LDB2: variants seen among roughly 807,000 people sequenced by gnomAD.
The protein encoded by LDB2 is LIM domain-binding protein 2.
A neutral mutation model predicts 44.3 loss-of-function variants in LDB2; 12 were observed. The ratio of observed to expected loss-of-function variants is 0.27; its 90% CI spans 0.17 to 0.44. LDB2 has a LOEUF of 0.44. LDB2 is among the 20% of genes least tolerant of loss of function. LDB2 has a pLI of 1.00. For missense variants in LDB2, 344 were observed against 473.5 expected, an observed-to-expected ratio of 0.73 and a Z score of 2.54; for synonymous variants, 164 against 174.8, an observed-to-expected ratio of 0.94 and a Z score of 0.49.
intron 2 of LDB2, among the ~76,000 whole-genome samples, chr4:16,613,956 G>A (rs751855641): frequency 6.6e-6 from 1 of 152,142 alleles, no homozygotes; most frequent in Non-Finnish European, 1.5e-5. Context: ...ACCTTGTATA[G>A]CCAAGACAAT....
At chr4:16,672,266 G>T (rs900526124) in intron 2 of LDB2, among the ~76,000 whole-genome samples, 1 of 152,188 alleles carries the variant, frequency 6.6e-6, no homozygotes, top group African/African-American at 2.4e-5. Flanking sequence ...AGCCAATTCA[G>T]CTTGGATTCA....
chr4:16,534,589 T>G (rs2152310261), intron 5 of LDB2, among the ~76,000 whole-genome samples: 1 of 152,346 alleles, frequency 6.6e-6, no homozygotes, highest in East Asian at 1.9e-4. Flanking sequence ...GGGCTTCTGC[T>G]TTTTCCGTAT....
In LDB2 at chr4:16,821,746, C is replaced by CAAAAAAAAAAAAAAAAAAAAAAAAAAAAA. The variant is rs562184189; in HGVS notation, c.133-62487_133-62486insTTTTTTTTTTTTTTTTTTTTTTTTTTTTT. 1.8e-4 allele frequency among the ~76,000 whole-genome samples: 11 copies of CAAAAAAAAAAAAAAAAAAAAAAAAAAAAA among 61,736 alleles called. 1 individual carries two copies. The highest frequency in any genetic ancestry group is 2.7e-4 in the Admixed American group (1 of 3,754). 40.5% of individuals were successfully genotyped at this position (61,736 alleles called of 152,430 possible). A position where few individuals can be genotyped will look rare whatever the true frequency, so the allele number is the denominator to read the frequency against. ...AATGGAAACCATTCCAACATTAAAG[C>CAAAAAAAAAAAAAAAAAAAAAAAAAAAAA]AAAAAAAAAAAAAAAAAAAAAAAAT... On this transcript the variant is annotated intron_variant, in intron 1 of 7. Coordinates refer to ENST00000304523, the MANE Select transcript of LDB2 (RefSeq NM_001290.5).
chr4:16,674,640 C>T (rs1222555417), intron 2 of LDB2, among the ~76,000 whole-genome samples: 3 of 152,216 alleles, frequency 2.0e-5, no homozygotes, highest in Non-Finnish European at 4.4e-5. Flanking sequence ...GATTCAAACA[C>T]TGGTCCGTCT....
chr4:16,694,060 C>T (rs565226574), intron 2 of LDB2, among the ~76,000 whole-genome samples: 1 of 152,296 alleles, frequency 6.6e-6, no homozygotes, highest in Admixed American at 6.5e-5. Flanking sequence ...GGGGCTGCAA[C>T]GGACCCCTTC....
intron 5 of LDB2, among the ~76,000 whole-genome samples, chr4:16,547,409 G>A (rs1365063977): frequency 2.0e-5 from 3 of 152,186 alleles, no homozygotes; most frequent in Non-Finnish European, 4.4e-5. Flanking sequence ...TACAGTGGCT[G>A]TAGGAAATGG....
chr4:16,670,835 G>T (rs1217992108), intron 2 of LDB2, among the ~76,000 whole-genome samples: 1 of 152,190 alleles, frequency 6.6e-6, no homozygotes, highest in Non-Finnish European at 1.5e-5. Flanking sequence ...TAAGGGGTAT[G>T]TGAATTAGCT....
chr4:16,687,884 G>C (rs1749652724), intron 2 of LDB2, among the ~76,000 whole-genome samples: 1 of 152,080 alleles, frequency 6.6e-6, no homozygotes, highest in African/African-American at 2.4e-5. Flanking sequence ...CAAAAATATG[G>C]GGGCAAAACT....
intron 2 of LDB2, among the ~76,000 whole-genome samples, chr4:16,706,181 G>A (rs1028952469): frequency 6.6e-6 from 1 of 152,124 alleles, no homozygotes; most frequent in African/African-American, 2.4e-5. Flanking sequence ...TTGAGATATG[G>A]TGCAATGGAT....
chr4:16,676,683 G>A (rs76615446), intron 2 of LDB2, among the ~76,000 whole-genome samples: 3 of 152,342 alleles, frequency 2.0e-5, no homozygotes, highest in Admixed American at 2.0e-4. Flanking sequence ...GAGAACTCAG[G>A]AATGAGACAC....
At chr4:16,541,029 T>C (rs991692197) in intron 5 of LDB2, among the ~76,000 whole-genome samples, 2 of 152,222 alleles carry the variant, frequency 1.3e-5, no homozygotes, top group African/African-American at 4.8e-5. Context: ...CTGTTAAACT[T>C]TAACATTGTG....
At chr4:16,581,465 G>A (rs894509860) in intron 5 of LDB2, 7 of 984,692 alleles carry the variant, frequency 7.1e-6, no homozygotes, top group Non-Finnish European at 8.4e-6. Context: ...CTCAGCCAGG[G>A]TGTATTGTTT....
At chr4:16,822,101 C>T (rs919693630) in intron 1 of LDB2, among the ~76,000 whole-genome samples, 36 of 135,198 alleles carry the variant, frequency 2.7e-4, no homozygotes, top group Non-Finnish European at 3.9e-4. Flanking sequence ...AGAAGGCTTA[C>T]TAGGATTGTT....
chr4:16,728,788 G>A (rs1760095433), intron 2 of LDB2, among the ~76,000 whole-genome samples: 1 of 152,186 alleles, frequency 6.6e-6, no homozygotes, highest in Non-Finnish European at 1.5e-5. Flanking sequence ...CAAAGGACTT[G>A]TGTGAGATGA....
At chr4:16,842,996 A>G (rs1052347393) in intron 1 of LDB2, among the ~76,000 whole-genome samples, 2 of 152,170 alleles carry the variant, frequency 1.3e-5, no homozygotes, top group Non-Finnish European at 2.9e-5. Flanking sequence ...TATTGCAAAG[A>G]GCAATATTGC....
chr4:16,764,594 C>G (rs1768779320), intron 1 of LDB2, among the ~76,000 whole-genome samples: 1 of 151,818 alleles, frequency 6.6e-6, no homozygotes, highest in South Asian at 2.1e-4. Flanking sequence ...ATGGTATGGA[C>G]CCTGCAACAC....
rs185259513 is a variant in LDB2 at position 16,862,112 on chromosome 4, G to A, written c.132+36242C>T. 2.4e-3 allele frequency among the ~76,000 whole-genome samples: 372 copies of A among 152,190 alleles called. 2 individuals carry two copies. The highest frequency in any genetic ancestry group is 8.5e-3 in the African/African-American group (353 of 41,512). On this transcript the variant is annotated intron_variant, in intron 1 of 7. Coordinates refer to ENST00000304523, the MANE Select transcript of LDB2 (RefSeq NM_001290.5). ...CATCCAAAAGTTATTTTATCTTCCT[G>A]TTCCAAGGAGATTATTTTACAAGAA...
In LDB2 at chr4:16,502,776, G is replaced by A; in HGVS notation, c.989C>T (p.Ala330Val). Reference protein sequence around the residue: ...ITRLENTQYDAANGMDDEEDF... With the variant: ...ITRLENTQYDVANGMDDEEDF... ...CTCCTCGTCGTCCATGCCGTTGGCCGCATCATATTGCGTGTTTTCTAATCT... is the reference window on the plus strand; with the variant it reads ...CTCCTCGTCGTCCATGCCGTTGGCCACATCATATTGCGTGTTTTCTAATCT... The change falls in exon 8 of 8, where the codon GCG becomes GTG. Residue 330 changes from alanine (A) to valine (V), a missense_variant. Transcript: ENST00000304523. 5.0e-6 allele frequency: 8 copies of A among 1,614,002 alleles called. No homozygotes were observed. The highest frequency in any genetic ancestry group is 2.2e-5 in the East Asian group (1 of 44,854).
chr4:16,565,355 T>C (rs1744111244), intron 5 of LDB2, among the ~76,000 whole-genome samples: 1 of 152,198 alleles, frequency 6.6e-6, no homozygotes, highest in African/African-American at 2.4e-5. Context: ...TTCTTATTAA[T>C]ATATTTACTC....
Sources: allele counts gnomAD v4.1 joint callset (sites outside exome capture counted in the v4.1 genomes callset), GRCh38; gene constraint gnomAD v4.1.1; transcripts MANE v1.5; gene names NCBI Gene and HGNC (gene_info 2026-07-23, HGNC 2026-07-21).